Variants in MAML2 observed in about 807,000 individuals in gnomAD.
The protein encoded by MAML2 is mastermind like transcriptional coactivator 2.
In MAML2, 22 loss-of-function variants were observed where a neutral mutation model predicts 96.1. That is an observed-to-expected ratio of 0.23 (90% CI 0.16 to 0.33). MAML2 has a LOEUF of 0.33. MAML2 is among the 10% of genes least tolerant of loss of function. The pLI is 1.00. For missense variants in MAML2, 1,367 were observed against 1,392.4 expected, an observed-to-expected ratio of 0.98 and a Z score of 0.29; for synonymous variants, 561 against 521.3, an observed-to-expected ratio of 1.08 and a Z score of -1.04.
intron 1 of MAML2, among the ~76,000 whole-genome samples, chr11:96,211,601 A>G (rs529154049): frequency 2.0e-5 from 3 of 152,246 alleles, no homozygotes; most frequent in Admixed American, 2.0e-4. Context: ...GGAAGATCAG[A>G]GGTATGGGGG....
At chr11:96,061,494 TACGGTTCCCTGTTA>T (rs1335297622) in intron 2 of MAML2, among the ~76,000 whole-genome samples, 2 of 152,166 alleles carry the variant, frequency 1.3e-5, no homozygotes, top group Non-Finnish European at 2.9e-5. Flanking sequence ...AGAAGATAAA[TACGGTTCCCTGTTA>T]AGTGCATCAA....
chr11:96,227,825 G>C (rs142420628), intron 1 of MAML2, among the ~76,000 whole-genome samples: 2 of 152,306 alleles, frequency 1.3e-5, no homozygotes, highest in Admixed American at 1.3e-4. Context: ...AACTCGGCCA[G>C]GTGCAGTGGC....
intron 1 of MAML2, among the ~76,000 whole-genome samples, chr11:96,237,020 T>C (rs1291788875): frequency 2.6e-5 from 4 of 152,186 alleles, no homozygotes; most frequent in East Asian, 1.9e-4. Flanking sequence ...TGGATGCTAA[T>C]ATTTTGCAGA....
At chr11:96,183,912 C>CGGGA (rs1861531814) in intron 1 of MAML2, among the ~76,000 whole-genome samples, 1 of 152,036 alleles carries the variant, frequency 6.6e-6, no homozygotes, top group Non-Finnish European at 1.5e-5. Flanking sequence ...ATGAGCATAC[C>CGGGA]CAGTACATTT....
At chr11:96,098,119 G>A (rs1859862818) in intron 1 of MAML2, among the ~76,000 whole-genome samples, 1 of 152,156 alleles carries the variant, frequency 6.6e-6, no homozygotes, top group Admixed American at 6.6e-5. Flanking sequence ...CAGAGGTAAA[G>A]GCATTCGGGA....
At chr11:96,151,896 A>G (rs1860930187) in intron 1 of MAML2, among the ~76,000 whole-genome samples, 1 of 152,210 alleles carries the variant, frequency 6.6e-6, no homozygotes, top group Non-Finnish European at 1.5e-5. Context: ...TAGGTGATCA[A>G]TACATATTTT....
chr11:96,273,602 C>T (rs1039076248), intron 1 of MAML2, among the ~76,000 whole-genome samples: 8 of 152,090 alleles, frequency 5.3e-5, no homozygotes, highest in Non-Finnish European at 7.4e-5. Context: ...CAAACATCAT[C>T]GGAAATATGA....
intron 2 of MAML2, among the ~76,000 whole-genome samples, chr11:96,040,362 A>C (rs1321243880): frequency 6.6e-6 from 1 of 152,246 alleles, no homozygotes; most frequent in Admixed American, 6.5e-5. Flanking sequence ...AGTATAATAC[A>C]CACACAGAAA....
chr11:96,223,065 T>C (rs951606387), intron 1 of MAML2, among the ~76,000 whole-genome samples: 1 of 152,194 alleles, frequency 6.6e-6, no homozygotes, highest in Non-Finnish European at 1.5e-5. Context: ...TCAAATTGTG[T>C]GTACTTTAAT....
At chr11:96,293,589 C>T (rs1863246131) in intron 1 of MAML2, among the ~76,000 whole-genome samples, 1 of 152,118 alleles carries the variant, frequency 6.6e-6, no homozygotes, top group Non-Finnish European at 1.5e-5. Flanking sequence ...GCAACAGTAA[C>T]AACAGCAAAA....
chr11:96,046,448 G>T (rs374126703), intron 2 of MAML2, among the ~76,000 whole-genome samples: 1 of 152,052 alleles, frequency 6.6e-6, no homozygotes, highest in Non-Finnish European at 1.5e-5. Flanking sequence ...GACTACCTCT[G>T]TCAGACTAAT....
At chr11:96,299,751 C>T (rs982467181) in intron 1 of MAML2, among the ~76,000 whole-genome samples, 1 of 152,192 alleles carries the variant, frequency 6.6e-6, no homozygotes, top group African/African-American at 2.4e-5. Flanking sequence ...TGCCCTGCTG[C>T]TTAGCACACC....
chr11:96,030,688 A>G (rs1409537665), intron 2 of MAML2, among the ~76,000 whole-genome samples: 1 of 152,224 alleles, frequency 6.6e-6, no homozygotes, highest in Non-Finnish European at 1.5e-5. Context: ...AGTGTTCTAT[A>G]GTGACCCAGT....
intron 2 of MAML2, among the ~76,000 whole-genome samples, chr11:96,071,008 C>T (rs1465360083): frequency 2.0e-5 from 3 of 152,366 alleles, no homozygotes; most frequent in Non-Finnish European, 2.9e-5. Flanking sequence ...TTTGAATACA[C>T]CTGCCAGGTG....
At chr11:96,096,864 C>G (rs1043553025) in intron 1 of MAML2, among the ~76,000 whole-genome samples, 1 of 152,134 alleles carries the variant, frequency 6.6e-6, no homozygotes, top group African/African-American at 2.4e-5. Context: ...GGAGGGATTC[C>G]TTAAGATGGG....
In MAML2 at chr11:96,189,600, A is replaced by G. The variant is rs76692888; in HGVS notation, c.514-96083T>C. Among the ~76,000 whole-genome samples the G allele has an allele frequency of 4.2e-3, 635 of 152,356 alleles. 12 individuals carry two copies. The highest frequency in any genetic ancestry group is 0.027 in the East Asian group (138 of 5,190). ...ACAGCAAATCTGTTTTTCTTCTGAC[A>G]GATTTACTCATTCATGTCATGTTTC... On this transcript the variant is annotated intron_variant, in intron 1 of 4. Coordinates refer to ENST00000524717, the MANE Select transcript of MAML2 (RefSeq NM_032427.4).
intron 1 of MAML2, among the ~76,000 whole-genome samples, chr11:96,251,148 G>A (rs879828291): frequency 6.6e-6 from 1 of 152,162 alleles, no homozygotes; most frequent in East Asian, 1.9e-4. Flanking sequence ...TGCCATTGAT[G>A]TTGCCCAAAA....
chr11:95,983,199 T>C (rs1291530531), intron 4 of MAML2, among the ~76,000 whole-genome samples: 2 of 152,200 alleles, frequency 1.3e-5, no homozygotes, highest in East Asian at 1.9e-4. Flanking sequence ...GACAGTGATA[T>C]TGATGATCCT....
intron 1 of MAML2, among the ~76,000 whole-genome samples, chr11:96,301,659 C>G (rs1390557741): frequency 1.3e-5 from 2 of 152,194 alleles, no homozygotes; most frequent in Admixed American, 6.5e-5. Context: ...TGTGATACAT[C>G]TTGGAACTGT....
Sources: allele counts gnomAD v4.1 joint callset (sites outside exome capture counted in the v4.1 genomes callset), GRCh38; gene constraint gnomAD v4.1.1; transcripts MANE v1.5; gene names NCBI Gene and HGNC (gene_info 2026-07-23, HGNC 2026-07-21).